PPP1R9A: variants seen among roughly 807,000 people sequenced by gnomAD.
PPP1R9A encodes protein phosphatase 1 regulatory subunit 9A.
Under a neutral mutation model 141.9 loss-of-function variants are expected in PPP1R9A, and 59 were observed. The ratio of observed to expected loss-of-function variants is 0.42; its 90% CI spans 0.34 to 0.52. The LOEUF (loss-of-function observed/expected upper bound fraction) is 0.52, where lower values mean the gene tolerates loss of function less well. Ranked by LOEUF, PPP1R9A falls within the 20% of genes least tolerant of loss-of-function variation. The pLI is 0.10. For synonymous variants in PPP1R9A, 500 were observed against 569.7 expected, an observed-to-expected ratio of 0.88 and a Z score of 1.74; for missense variants, 1,444 against 1,611.9, an observed-to-expected ratio of 0.90 and a Z score of 1.78.
intron 2 of PPP1R9A, among the ~76,000 whole-genome samples, chr7:95,019,128 C>T (rs1805523333): frequency 6.6e-6 from 1 of 152,208 alleles, no homozygotes; most frequent in Non-Finnish European, 1.5e-5. Flanking sequence ...GGCGTGGTGG[C>T]TCACGCCTGT....
chr7:94,977,427 G>A (rs1799574328), intron 2 of PPP1R9A, among the ~76,000 whole-genome samples: 1 of 152,030 alleles, frequency 6.6e-6, no homozygotes, highest in African/African-American at 2.4e-5. Context: ...AAGAAAATGG[G>A]GTGATCAGTT....
At chr7:94,965,207 T>C in intron 2 of PPP1R9A, among the ~76,000 whole-genome samples, 1 of 152,192 alleles carries the variant, frequency 6.6e-6, no homozygotes, top group Non-Finnish European at 1.5e-5. Flanking sequence ...TCTTTGTAGA[T>C]TCTGGATATT....
At chr7:95,214,762 C>A (rs901006846) in intron 7 of PPP1R9A, among the ~76,000 whole-genome samples, 3 of 151,850 alleles carry the variant, frequency 2.0e-5, no homozygotes, top group African/African-American at 7.3e-5. Context: ...TTTGAGTTGT[C>A]GGAAAATATT....
intron 2 of PPP1R9A, among the ~76,000 whole-genome samples, chr7:94,970,244 G>A (rs1472144955): frequency 6.6e-6 from 1 of 152,218 alleles, no homozygotes; most frequent in Non-Finnish European, 1.5e-5. Flanking sequence ...CGGCCATCCA[G>A]TTTTGTGCTT....
At chr7:94,993,588 T>C (rs1316946375) in intron 2 of PPP1R9A, among the ~76,000 whole-genome samples, 1 of 152,224 alleles carries the variant, frequency 6.6e-6, no homozygotes, top group African/African-American at 2.4e-5. Flanking sequence ...TAGTTTCTAG[T>C]GTACATATCT....
intron 2 of PPP1R9A, among the ~76,000 whole-genome samples, chr7:94,965,254 T>A (rs1489607348): frequency 1.3e-5 from 2 of 152,304 alleles, no homozygotes; most frequent in East Asian, 1.9e-4. Context: ...AAAAATTTTC[T>A]CCCATTCTAT....
chr7:95,219,815 T>C (rs942417383), intron 7 of PPP1R9A, among the ~76,000 whole-genome samples: 2 of 152,140 alleles, frequency 1.3e-5, no homozygotes, highest in Non-Finnish European at 2.9e-5. Context: ...CTAAATGACT[T>C]ACTTACTGTT....
At chr7:95,095,303 GC>G (rs1817880372) in intron 2 of PPP1R9A, among the ~76,000 whole-genome samples, 2 of 152,136 alleles carry the variant, frequency 1.3e-5, no homozygotes, top group Non-Finnish European at 2.9e-5. Context: ...GATTTAAGAA[GC>G]CTATTTACAA....
At chr7:95,127,634 C>G (rs1264801522) in intron 4 of PPP1R9A, among the ~76,000 whole-genome samples, 1 of 151,642 alleles carries the variant, frequency 6.6e-6, no homozygotes, top group African/African-American at 2.4e-5. Flanking sequence ...GATCATAGTA[C>G]CCAATAGTTA....
At chr7:95,034,066 T>C (rs1204186561) in intron 2 of PPP1R9A, among the ~76,000 whole-genome samples, 1 of 152,162 alleles carries the variant, frequency 6.6e-6, no homozygotes, top group Non-Finnish European at 1.5e-5. Context: ...GAATTTAGAC[T>C]GGGATAACAT....
intron 2 of PPP1R9A, among the ~76,000 whole-genome samples, chr7:95,019,115 C>T (rs1023604054): frequency 2.6e-5 from 4 of 152,312 alleles, no homozygotes; most frequent in African/African-American, 9.6e-5. Flanking sequence ...AAAAAATAGG[C>T]TGGGCGTGGT....
intron 5 of PPP1R9A, chr7:95,176,532 C>T (rs980339687): frequency 6.6e-6 from 1 of 152,494 alleles, no homozygotes. Flanking sequence ...CCTGATTTAC[C>T]TGCAAAAGAA....
chr7:95,035,095 T>A (rs1183690783), intron 2 of PPP1R9A, among the ~76,000 whole-genome samples: 3 of 152,182 alleles, frequency 2.0e-5, no homozygotes, highest in African/African-American at 4.8e-5. Flanking sequence ...TAATTGATTA[T>A]GATAATGAGA....
chr7:94,918,444 G>A (rs1792358987), intron 2 of PPP1R9A, among the ~76,000 whole-genome samples: 1 of 151,996 alleles, frequency 6.6e-6, no homozygotes, highest in Non-Finnish European at 1.5e-5. Flanking sequence ...GGGAGGTGGT[G>A]CACTCACTCT....
chr7:94,909,940 T>A lies in PPP1R9A; in HGVS notation c.-174T>A, dbSNP rs868003044. 1.8e-6 allele frequency: 1 copy of A among 545,328 alleles called. No individual in the cohort carries two copies. The highest frequency in any genetic ancestry group is 1.9e-5 in the African/African-American group (1 of 53,430). 33.8% of individuals were successfully genotyped at this position (545,328 alleles called of 1,614,324 possible). ...CTTTGAAAAAATCATTCTGTGTAAC[T>A]CTTGACTGTGACTAAGTTCCTAATA... is the stretch of plus-strand genomic sequence containing the variant. On this transcript the variant is annotated 5_prime_UTR_variant, in exon 2 of 20. Transcript: ENST00000433360.
chr7:95,146,052 C>A (rs1827552754), intron 4 of PPP1R9A, among the ~76,000 whole-genome samples: 1 of 152,164 alleles, frequency 6.6e-6, no homozygotes, highest in South Asian at 2.1e-4. Flanking sequence ...ATTTCTAGTT[C>A]TAGATCCTTG....
chr7:94,955,619 A>G (rs952229304), intron 2 of PPP1R9A, among the ~76,000 whole-genome samples: 1 of 152,082 alleles, frequency 6.6e-6, no homozygotes, highest in Admixed American at 6.6e-5. Flanking sequence ...GCTATTCTCA[A>G]TGCATTCTCA....
At chr7:94,961,603 A>G (rs1324121082) in intron 2 of PPP1R9A, among the ~76,000 whole-genome samples, 1 of 151,878 alleles carries the variant, frequency 6.6e-6, no homozygotes, top group South Asian at 2.1e-4. Context: ...TTATTTTTAG[A>G]AATGACTGGG....
chr7:95,216,549 C>A (rs1438240414), intron 7 of PPP1R9A, among the ~76,000 whole-genome samples: 2 of 151,930 alleles, frequency 1.3e-5, no homozygotes, highest in East Asian at 3.9e-4. Context: ...CTATAAATTA[C>A]CTTGGGCAGT....
Sources: allele counts gnomAD v4.1 joint callset (sites outside exome capture counted in the v4.1 genomes callset), GRCh38; gene constraint gnomAD v4.1.1; transcripts MANE v1.5; gene names NCBI Gene and HGNC (gene_info 2026-07-23, HGNC 2026-07-21).